CSMD1: variants seen among roughly 807,000 people sequenced by gnomAD.
CSMD1 encodes the protein CUB and Sushi multiple domains 1, also known as CUB and sushi domain-containing protein 1.
Under a neutral mutation model 417.5 loss-of-function variants are expected in CSMD1, and 213 were observed. The ratio of observed to expected loss-of-function variants is 0.51; its 90% confidence interval spans 0.46 to 0.57. CSMD1 has a LOEUF of 0.57. Among genes scored for constraint, CSMD1 ranks in the 20% least tolerant of loss-of-function variants. The probability of loss-of-function intolerance (pLI) is 0.00; values close to 1 mark genes in which losing one functional copy is unlikely to be tolerated. For missense variants in CSMD1, 6,923 were observed against 4,529.7 expected, an observed-to-expected ratio of 1.53 and a Z score of -15.17; for synonymous variants, 2,862 against 1,736.8, an observed-to-expected ratio of 1.65 and a Z score of -16.11.
At chr8:4,543,999 A>G (rs140943460) in intron 2 of CSMD1, among the ~76,000 whole-genome samples, 564 of 152,284 alleles carry the variant, frequency 3.7e-3, no homozygotes, top group Middle Eastern at 0.017. Context: ...TGAGTTTTAC[A>G]TTTAATTATA....
chr8:4,430,079 ACTTAATGTTTAAATCC>A (rs1797786268), intron 2 of CSMD1, among the ~76,000 whole-genome samples: 1 of 152,170 alleles, frequency 6.6e-6, no homozygotes, highest in African/African-American at 2.4e-5. Flanking sequence ...CAGAAACAAA[ACTTAATGTTTAAATCC>A]CAGAAGTGAG....
chr8:3,205,758 G>A (rs1797217707), intron 30 of CSMD1, 138 bp from the exon 31 acceptor site: 2 of 482,262 alleles, frequency 4.1e-6, no homozygotes, highest in Non-Finnish European at 7.3e-6. Flanking sequence ...ATCTTGTTTT[G>A]CATTGCTATC....
intron 7 of CSMD1, among the ~76,000 whole-genome samples, chr8:3,658,461 A>T (rs868566410): frequency 2.6e-4 from 14 of 53,158 alleles, no homozygotes; most frequent in Middle Eastern, 8.8e-3. Context: ...TAATATATAT[A>T]TTGTGTATAT....
chr8:3,806,936 A>G (rs1250799673), intron 5 of CSMD1, among the ~76,000 whole-genome samples: 2 of 152,184 alleles, frequency 1.3e-5, no homozygotes, highest in African/African-American at 2.4e-5. Context: ...TCTAATTGTC[A>G]GATAGGATTT....
intron 8 of CSMD1, among the ~76,000 whole-genome samples, chr8:3,610,791 G>T (rs2469328): frequency 6.6e-6 from 1 of 151,792 alleles, no homozygotes; most frequent in South Asian, 2.1e-4. Flanking sequence ...CCCCACAGAT[G>T]CCTGGAAAGG....
intron 10 of CSMD1, among the ~76,000 whole-genome samples, chr8:3,525,718 A>C (rs1298734229): frequency 6.6e-6 from 1 of 152,196 alleles, no homozygotes; most frequent in East Asian, 1.9e-4. Flanking sequence ...CTCAGATTTT[A>C]ACACCTAGTT....
intron 3 of CSMD1, among the ~76,000 whole-genome samples, chr8:4,220,096 C>G (rs546686593): frequency 6.6e-6 from 1 of 152,118 alleles, no homozygotes; most frequent in Non-Finnish European, 1.5e-5. Context: ...ATTACAGGCA[C>G]GTGCCACCAT....
chr8:3,466,769 GTC>G (rs1280275731), intron 12 of CSMD1, among the ~76,000 whole-genome samples: 8 of 151,922 alleles, frequency 5.3e-5, no homozygotes, highest in Non-Finnish European at 1.2e-4. Flanking sequence ...TTTGCTTTGA[GTC>G]AAATAATATA....
At chr8:4,951,050 G>C (rs540243174) in intron 1 of CSMD1, among the ~76,000 whole-genome samples, 2 of 152,140 alleles carry the variant, frequency 1.3e-5, no homozygotes, top group South Asian at 2.1e-4. Context: ...CCAAGAAGTA[G>C]CTTCAACAAA....
intron 5 of CSMD1, among the ~76,000 whole-genome samples, chr8:3,917,130 G>A (rs939787449): frequency 6.6e-6 from 1 of 152,110 alleles, no homozygotes; most frequent in Non-Finnish European, 1.5e-5. Flanking sequence ...GATAGTCTAA[G>A]AGAATGAGTG....
chr8:4,985,161 G>C (rs574703697), intron 1 of CSMD1, among the ~76,000 whole-genome samples: 2 of 152,244 alleles, frequency 1.3e-5, no homozygotes, highest in East Asian at 1.9e-4. Context: ...GCAAAATGAT[G>C]AGAACACATG....
chr8:4,195,827 T>A (rs1799303446), intron 3 of CSMD1, among the ~76,000 whole-genome samples: 1 of 151,918 alleles, frequency 6.6e-6, no homozygotes, highest in African/African-American at 2.4e-5. Flanking sequence ...AGCCTGTAGA[T>A]GAGGAGGCAG....
At chr8:3,568,159 T>A (rs1467338567) in intron 10 of CSMD1, among the ~76,000 whole-genome samples, 1 of 152,188 alleles carries the variant, frequency 6.6e-6, no homozygotes, top group African/African-American at 2.4e-5. Context: ...CATATGAAAG[T>A]CTTTTTGAGG....
chr8:4,925,544 T>TC (rs386411940), intron 1 of CSMD1, among the ~76,000 whole-genome samples: 1 of 147,692 alleles, frequency 6.8e-6, no homozygotes, highest in Non-Finnish European at 1.5e-5. Context: ...TTTCTTTTTT[T>TC]TTTCTTTTTT....
intron 42 of CSMD1, among the ~76,000 whole-genome samples, chr8:3,115,345 G>T (rs902997155): frequency 2.6e-5 from 4 of 151,974 alleles, no homozygotes; most frequent in Non-Finnish European, 5.9e-5. Flanking sequence ...GGGATTACAG[G>T]TGCCTGCCAC....
chr8:3,295,732 A>C (rs1348816950), intron 25 of CSMD1, among the ~76,000 whole-genome samples: 1 of 152,104 alleles, frequency 6.6e-6, no homozygotes, highest in Non-Finnish European at 1.5e-5. Flanking sequence ...GGAATACCTG[A>C]TTACCGTCAG....
intron 3 of CSMD1, among the ~76,000 whole-genome samples, chr8:4,255,272 A>AT (rs1440740939): frequency 1.3e-5 from 2 of 152,128 alleles, no homozygotes; most frequent in Admixed American, 6.5e-5. Flanking sequence ...TTTCTTTATC[A>AT]TACTCTTCAT....
intron 33 of CSMD1, among the ~76,000 whole-genome samples, chr8:3,199,160 A>G (rs567940594): frequency 6.6e-6 from 1 of 152,338 alleles, no homozygotes; most frequent in East Asian, 1.9e-4. Flanking sequence ...AAAGGTTTAA[A>G]TTAAAAGATA....
intron 5 of CSMD1, among the ~76,000 whole-genome samples, chr8:3,848,824 G>C (rs1803685995): frequency 6.6e-6 from 1 of 151,804 alleles, no homozygotes; most frequent in Admixed American, 6.6e-5. Context: ...AGAAAAAGTG[G>C]TACTTTATGA....
Sources: gnomAD v4.1 joint callset for allele counts (sites outside exome capture counted in the v4.1 genomes callset) on GRCh38, gnomAD v4.1.1 for gene constraint, MANE v1.5 for transcripts, NCBI Gene and HGNC (gene_info 2026-07-23, HGNC 2026-07-21) for gene names.